The following TAS2R1 variants were observed in gnomAD, a reference collection of about 807,000 sequenced individuals.
TAS2R1 encodes taste receptor type 2 member 1.
For missense variants in TAS2R1, 370 were observed against 353.4 expected, an observed-to-expected ratio of 1.05 and a Z score of -0.38; for synonymous variants, 141 against 134.2, an observed-to-expected ratio of 1.05 and a Z score of -0.35.
intron 1 of TAS2R1, among the ~76,000 whole-genome samples, chr5:9,691,242 C>G (rs1741245357): frequency 6.6e-6 from 1 of 152,224 alleles, no homozygotes; most frequent in Non-Finnish European, 1.5e-5. Flanking sequence ...CCTGTGAAGA[C>G]AGAGGCAAAG....
chr5:9,721,422 A>G, the TAS2R1 span, among the ~76,000 whole-genome samples: 1 of 152,224 alleles, frequency 6.6e-6, no homozygotes, highest in African/African-American at 2.4e-5. Flanking sequence ...TCTGGGAAGT[A>G]TGGCCAATCC....
chr5:9,744,460 T>A, the TAS2R1 span, among the ~76,000 whole-genome samples: 1 of 152,164 alleles, frequency 6.6e-6, no homozygotes, highest in East Asian at 1.9e-4. Flanking sequence ...ACCCTGGTAA[T>A]CAAAAGCATC....
At chr5:9,685,781 T>G (rs1265329197) in intron 1 of TAS2R1, among the ~76,000 whole-genome samples, 1 of 152,250 alleles carries the variant, frequency 6.6e-6, no homozygotes, top group Non-Finnish European at 1.5e-5. Flanking sequence ...TACAGTGCAT[T>G]GTACTACATA....
intron 2 of TAS2R1, among the ~76,000 whole-genome samples, chr5:9,638,113 GA>G (rs1449511373): frequency 1.3e-5 from 2 of 152,200 alleles, no homozygotes; most frequent in African/African-American, 4.8e-5. Flanking sequence ...CCCATGGGGT[GA>G]TCCCTCAATG....
the TAS2R1 span, among the ~76,000 whole-genome samples, chr5:9,722,408 C>T: frequency 6.6e-6 from 1 of 152,244 alleles, no homozygotes; most frequent in Admixed American, 6.5e-5. Flanking sequence ...TGTACTAACA[C>T]TATCTGGAAG....
chr5:9,861,037 G>GTTGTTTTTTTT, the TAS2R1 span, among the ~76,000 whole-genome samples: 1 of 88,612 alleles, frequency 1.1e-5, no homozygotes, highest in South Asian at 4.1e-4. Context: ...GGAAGATGAG[G>GTTGTTTTTTTT]TTTTTTTTTT....
chr5:9,805,947 A>G, the TAS2R1 span, among the ~76,000 whole-genome samples: 3 of 152,148 alleles, frequency 2.0e-5, no homozygotes, highest in Non-Finnish European at 4.4e-5. Flanking sequence ...AGTAAAGAGG[A>G]AGTCAAACTG....
Position 9,660,339 on chromosome 5 carries a change from G to A in TAS2R1, c.-241-758C>T, listed in dbSNP as rs542056787. ...GATCCACCCGCCTCGGCCTCCCAAAGTGCTGGGATTACAGGCGTGAGCCAC... is the reference window on the plus strand; with the variant it reads ...GATCCACCCGCCTCGGCCTCCCAAAATGCTGGGATTACAGGCGTGAGCCAC... On this transcript the variant is annotated intron_variant, in intron 1 of 2. Transcript: ENST00000506620. Among the ~76,000 whole-genome samples the A allele has an allele frequency of 2.7e-5, 4 of 150,116 alleles. No homozygotes were observed. In the East Asian group the frequency reaches 7.9e-4, roughly 30 times the overall value.
chr5:9,664,592 C>A (rs1207301770), intron 1 of TAS2R1, among the ~76,000 whole-genome samples: 1 of 152,174 alleles, frequency 6.6e-6, no homozygotes. Context: ...TTATTTTCTT[C>A]CACCCATTAA....
At chr5:9,873,231 C>T in the TAS2R1 span, among the ~76,000 whole-genome samples, 1 of 152,140 alleles carries the variant, frequency 6.6e-6, no homozygotes, top group African/African-American at 2.4e-5. Flanking sequence ...CCTCCCCTGG[C>T]TTCTCTCGGT....
chr5:9,774,327 C>T, the TAS2R1 span, among the ~76,000 whole-genome samples: 1 of 152,194 alleles, frequency 6.6e-6, no homozygotes, highest in Admixed American at 6.5e-5. Context: ...AATTCCTCTG[C>T]TGTGTTATCT....
intron 1 of TAS2R1, among the ~76,000 whole-genome samples, chr5:9,664,315 C>T (rs1740590490): frequency 6.6e-6 from 1 of 152,178 alleles, no homozygotes; most frequent in South Asian, 2.1e-4. Flanking sequence ...ATGTCAATTG[C>T]AAATGTAAAT....
chr5:9,893,800 G>A, the TAS2R1 span, among the ~76,000 whole-genome samples: 1 of 152,168 alleles, frequency 6.6e-6, no homozygotes, highest in Non-Finnish European at 1.5e-5. Context: ...ATAAGACTCT[G>A]TGGGAGGAAA....
chr5:9,629,103 T>C lies in TAS2R1; in HGVS notation c.*30A>G, dbSNP rs375307275. 1.3e-6 allele frequency: 2 copies of C among 1,511,528 alleles called. No homozygotes were observed. The highest frequency in any genetic ancestry group is 1.4e-5 in the South Asian group (1 of 71,562). The allele number at this position is 1,511,528 out of a possible 1,614,324, so 93.6% of individuals were successfully genotyped here. A position where few individuals can be genotyped will look rare whatever the true frequency, so the allele number is the denominator to read the frequency against. On this transcript the variant is annotated 3_prime_UTR_variant, in exon 1 of 1. Coordinates refer to ENST00000382492, the MANE Select transcript of TAS2R1 (RefSeq NM_019599.3). ...CAGGCATGGGTAAATCATTGAATCA[T>C]GGGTTCTTTGAACTGATCCAACTTC...
At chr5:9,816,443 A>G in the TAS2R1 span, among the ~76,000 whole-genome samples, 1 of 152,180 alleles carries the variant, frequency 6.6e-6, no homozygotes, top group Non-Finnish European at 1.5e-5. Flanking sequence ...ATGAAAAATT[A>G]CCAGGAATGG....
chr5:9,768,747 A>G, the TAS2R1 span, among the ~76,000 whole-genome samples: 1 of 152,242 alleles, frequency 6.6e-6, no homozygotes, highest in Non-Finnish European at 1.5e-5. Context: ...AGCAGAGAAA[A>G]CATGTTGACT....
chr5:9,653,592 A>T lies in TAS2R1; in HGVS notation c.-81+5829T>A, dbSNP rs150993056. ...TTTAATTTTTTGAGGAATCATCACT[A>T]TACGGTTTTTCACAGCAGCGACACC... On this transcript the variant is annotated intron_variant, in intron 2 of 2. Transcript: ENST00000506620. Among the ~76,000 whole-genome samples the T allele has an allele frequency of 3.9e-5, 6 of 152,270 alleles. No individual in the cohort carries two copies. The East Asian group carries it at 1.2e-3, about 29-fold the overall frequency.
At chr5:9,683,276 C>G (rs569942157) in intron 1 of TAS2R1, among the ~76,000 whole-genome samples, 1 of 152,142 alleles carries the variant, frequency 6.6e-6, no homozygotes, top group South Asian at 2.1e-4. Context: ...TATAAGTTCC[C>G]AAGTCTTTTT....
chr5:9,868,217 G>A, the TAS2R1 span, among the ~76,000 whole-genome samples: 3 of 152,234 alleles, frequency 2.0e-5, no homozygotes, highest in African/African-American at 7.2e-5. Context: ...ACTCTGTGTA[G>A]GGGCTCTAAC....
Sources: gnomAD v4.1 joint callset for allele counts (sites outside exome capture counted in the v4.1 genomes callset) on GRCh38, gnomAD v4.1.1 for gene constraint, MANE v1.5 for transcripts, NCBI Gene and HGNC (gene_info 2026-07-23, HGNC 2026-07-21) for gene names.